Variants in NRXN3 observed in about 807,000 individuals in gnomAD.
NRXN3 encodes the protein neurexin III.
A neutral mutation model predicts 137.6 loss-of-function variants in NRXN3; 32 were observed. The ratio of observed to expected loss-of-function variants is 0.23; its 90% CI spans 0.18 to 0.31. The LOEUF (loss-of-function observed/expected upper bound fraction) is 0.31, where lower values mean the gene tolerates loss of function less well. Among genes scored for constraint, NRXN3 ranks in the 10% least tolerant of loss-of-function variants. NRXN3 has a pLI of 1.00. For synonymous variants in NRXN3, 798 were observed against 784.5 expected (o/e 1.02, Z -0.29); for missense variants, 1,574 against 2,062.5 (o/e 0.76, Z 4.59).
intron 20 of NRXN3, among the ~76,000 whole-genome samples, chr14:79,828,163 G>A (rs1029122841): frequency 1.3e-5 from 2 of 152,268 alleles, no homozygotes; most frequent in Middle Eastern, 6.8e-3. Flanking sequence ...ACTATATCAG[G>A]AATTAAGTAG....
At chr14:78,622,996 C>T (rs2097421036) in intron 4 of NRXN3, among the ~76,000 whole-genome samples, 1 of 152,150 alleles carries the variant, frequency 6.6e-6, no homozygotes, top group East Asian at 1.9e-4. Context: ...TATTATGTCT[C>T]TTCGTCTCTA....
At position 79,643,096 on chromosome 14, in the gene NRXN3, T is replaced by C. The variant is rs1168924358; in HGVS notation, c.3445-20682T>C. On this transcript the variant is annotated intron_variant, in intron 16 of 20. Transcript: ENST00000335750. ...TATTCGTGTGAACTCATATCCTTTCTCATTTGGAAAGTCAAGACCACATGG... is the reference window on the plus strand; with the variant it reads ...TATTCGTGTGAACTCATATCCTTTCCCATTTGGAAAGTCAAGACCACATGG... 1.5e-5 allele frequency among the ~76,000 whole-genome samples: 2 copies of C among 136,138 alleles called. 1 individual carries two copies. The highest frequency in any genetic ancestry group is 3.4e-5 in the Non-Finnish European group (2 of 58,452). The allele number at this position is 136,138 out of a possible 152,430, so 89.3% of individuals were successfully genotyped here.
chr14:78,203,359 A>G (rs12587703), intron 1 of NRXN3, among the ~76,000 whole-genome samples: 16,322 of 152,198 alleles, frequency 0.11, 1,102 homozygotes, highest in East Asian at 0.18. Context: ...TCCCATTGCT[A>G]CTGTTTCAGG....
At chr14:78,915,654 A>G (rs146044385) in intron 10 of NRXN3, among the ~76,000 whole-genome samples, 2,034 of 152,298 alleles carry the variant, frequency 0.013, 34 homozygotes, top group Admixed American at 0.017. Context: ...GATTCAGATC[A>G]GAGTTACCCT....
At chr14:78,555,193 A>G (rs1443880596) in intron 4 of NRXN3, among the ~76,000 whole-genome samples, 1 of 152,210 alleles carries the variant, frequency 6.6e-6, no homozygotes, top group East Asian at 1.9e-4. Flanking sequence ...TAAACTAAGC[A>G]CAAAATAAAT....
intron 15 of NRXN3, among the ~76,000 whole-genome samples, chr14:79,098,843 A>T (rs776758147): frequency 1.3e-5 from 2 of 152,190 alleles, no homozygotes; most frequent in Non-Finnish European, 2.9e-5. Flanking sequence ...AGGGGAAAAA[A>T]GATTTTTCCC....
chr14:79,605,510 CAG>C (rs2097997037), intron 16 of NRXN3, among the ~76,000 whole-genome samples: 1 of 151,812 alleles, frequency 6.6e-6, no homozygotes, highest in Non-Finnish European at 1.5e-5. Context: ...TTTTTTGAGA[CAG>C]AGTCTTGCTC....
chr14:78,327,666 G>A (rs998556357), intron 4 of NRXN3, among the ~76,000 whole-genome samples: 1 of 152,148 alleles, frequency 6.6e-6, no homozygotes, highest in African/African-American at 2.4e-5. Flanking sequence ...TACTGCTCTT[G>A]TAGATACTGG....
At chr14:78,929,916 A>AT (rs1042387966) in intron 10 of NRXN3, among the ~76,000 whole-genome samples, 30 of 152,166 alleles carry the variant, frequency 2.0e-4, no homozygotes, top group African/African-American at 7.0e-4. Context: ...GCTACATGAT[A>AT]TTTTTTGTGA....
intron 15 of NRXN3, among the ~76,000 whole-genome samples, chr14:79,347,433 T>C (rs150593924): frequency 6.6e-6 from 1 of 151,922 alleles, no homozygotes; most frequent in Admixed American, 6.6e-5. Context: ...TTCCTTTTTT[T>C]TTTTTTGAAA....
At chr14:79,358,442 C>T (rs377661816) in intron 15 of NRXN3, among the ~76,000 whole-genome samples, 85 of 150,882 alleles carry the variant, frequency 5.6e-4, no homozygotes, top group African/African-American at 2.0e-3. Context: ...GGCATGGTGG[C>T]GGGCGCCTGT....
intron 15 of NRXN3, among the ~76,000 whole-genome samples, chr14:78,998,188 C>T (rs762870437): frequency 5.3e-5 from 8 of 152,168 alleles, no homozygotes; most frequent in Non-Finnish European, 7.3e-5. Flanking sequence ...CCGGTTATAT[C>T]AGGTCAGTTG....
At chr14:79,595,840 T>G (rs1400846137) in intron 16 of NRXN3, among the ~76,000 whole-genome samples, 1 of 152,220 alleles carries the variant, frequency 6.6e-6, no homozygotes, top group African/African-American at 2.4e-5. Flanking sequence ...GCATATGTGG[T>G]TCACATTATG....
At chr14:78,305,599 T>C (rs1275911411) in intron 4 of NRXN3, among the ~76,000 whole-genome samples, 2 of 152,190 alleles carry the variant, frequency 1.3e-5, no homozygotes, top group African/African-American at 2.4e-5. Flanking sequence ...TTTGAGGAGC[T>C]GAGCCCCCTC....
At chr14:79,818,910 C>G (rs2099261799) in intron 20 of NRXN3, among the ~76,000 whole-genome samples, 5 of 152,184 alleles carry the variant, frequency 3.3e-5, no homozygotes, top group Admixed American at 3.3e-4. Flanking sequence ...CAAATTATAT[C>G]AGTCTCAACC....
chr14:78,360,831 T>A (rs1306045612), intron 4 of NRXN3, among the ~76,000 whole-genome samples: 2 of 152,222 alleles, frequency 1.3e-5, no homozygotes, highest in Non-Finnish European at 2.9e-5. Flanking sequence ...CAGCTCTCCA[T>A]GTAGTTAATT....
chr14:79,550,655 A>G (rs549621893), intron 16 of NRXN3, among the ~76,000 whole-genome samples: 1 of 152,244 alleles, frequency 6.6e-6, no homozygotes, highest in South Asian at 2.1e-4. Flanking sequence ...AAAGTCAGAA[A>G]GGCCAGCCAA....
intron 15 of NRXN3, among the ~76,000 whole-genome samples, chr14:79,162,134 CTTTT>C (rs1159616851): frequency 6.9e-6 from 1 of 145,660 alleles, no homozygotes; most frequent in Non-Finnish European, 1.5e-5. Flanking sequence ...GTTAGCTTTT[CTTTT>C]TTTTTAATTT....
intron 15 of NRXN3, among the ~76,000 whole-genome samples, chr14:79,422,769 G>T (rs986211167): frequency 2.8e-5 from 4 of 145,106 alleles, no homozygotes; most frequent in Non-Finnish European, 6.0e-5. Context: ...GCACAATCTC[G>T]GCTCACTGCA....
Sources: gnomAD v4.1 joint callset for allele counts (sites outside exome capture counted in the v4.1 genomes callset) on GRCh38, gnomAD v4.1.1 for gene constraint, MANE v1.5 for transcripts, NCBI Gene and HGNC (gene_info 2026-07-23, HGNC 2026-07-21) for gene names.